The following UBE2E2 variants were observed in gnomAD, a reference collection of about 807,000 sequenced individuals.
UBE2E2 encodes the protein ubiquitin conjugating enzyme E2 E2.
A neutral mutation model predicts 24.7 loss-of-function variants in UBE2E2; 6 were observed. The observed-to-expected ratio is 0.24, with a 90% CI of 0.13 to 0.48. UBE2E2 has a LOEUF of 0.48. Ranked by LOEUF, UBE2E2 falls within the 20% of genes least tolerant of loss-of-function variation. The probability of loss-of-function intolerance (pLI) is 0.99; values close to 1 mark genes in which losing one functional copy is unlikely to be tolerated. For missense variants in UBE2E2, 169 were observed against 245.0 expected (o/e 0.69, Z 2.07); for synonymous variants, 104 against 83.6 (o/e 1.24, Z -1.33).
chr3:23,588,732 G>A (rs978851217), intron 5 of UBE2E2, among the ~76,000 whole-genome samples: 24 of 152,058 alleles, frequency 1.6e-4, no homozygotes, highest in African/African-American at 4.6e-4. Flanking sequence ...CTTTCTCCAC[G>A]TTGGGCAAGA....
chr3:23,267,636 A>G (rs1412614731), intron 3 of UBE2E2, among the ~76,000 whole-genome samples: 1 of 151,872 alleles, frequency 6.6e-6, no homozygotes, highest in East Asian at 1.9e-4. Flanking sequence ...ACAAGGAGGA[A>G]CTGGTACCAT....
intron 3 of UBE2E2, among the ~76,000 whole-genome samples, chr3:23,297,767 G>T (rs1476553675): frequency 6.6e-6 from 1 of 152,032 alleles, no homozygotes; most frequent in East Asian, 1.9e-4. Flanking sequence ...CTTGGTGATG[G>T]GGGCTCTTTT....
intron 3 of UBE2E2, among the ~76,000 whole-genome samples, chr3:23,277,472 C>CT (rs1443749057): frequency 1.3e-5 from 2 of 152,098 alleles, no homozygotes; most frequent in Non-Finnish European, 2.9e-5. Context: ...CATAGACTAT[C>CT]TAACTCTAAG....
chr3:23,283,348 A>T (rs987707853), intron 3 of UBE2E2, among the ~76,000 whole-genome samples: 3 of 152,156 alleles, frequency 2.0e-5, no homozygotes, highest in African/African-American at 7.2e-5. Context: ...CCACTTACAT[A>T]TTACTCTAAA....
At chr3:23,443,682 G>C (rs1388456491) in intron 3 of UBE2E2, among the ~76,000 whole-genome samples, 2 of 152,200 alleles carry the variant, frequency 1.3e-5, no homozygotes, top group African/African-American at 4.8e-5. Flanking sequence ...GTACCTATGT[G>C]AAATTGGTGC....
At chr3:23,460,424 A>G (rs1488588973) in intron 3 of UBE2E2, among the ~76,000 whole-genome samples, 3 of 152,148 alleles carry the variant, frequency 2.0e-5, no homozygotes, top group African/African-American at 7.2e-5. Context: ...GTTTCCTCAT[A>G]TGTAAAATGG....
intron 5 of UBE2E2, among the ~76,000 whole-genome samples, chr3:23,576,898 G>A (rs1052820185): frequency 2.6e-5 from 4 of 151,030 alleles, no homozygotes; most frequent in African/African-American, 9.8e-5. Flanking sequence ...GTGCTTTTGT[G>A]TTTCACATAT....
At chr3:23,481,162 GCATAAGCACTTGA>G (rs1699251137) in intron 3 of UBE2E2, among the ~76,000 whole-genome samples, 1 of 152,154 alleles carries the variant, frequency 6.6e-6, no homozygotes. Flanking sequence ...AGCCCAGCTG[GCATAAGCACTTGA>G]CAGATTCAAA....
intron 3 of UBE2E2, among the ~76,000 whole-genome samples, chr3:23,253,420 G>A (rs1004491852): frequency 2.0e-5 from 3 of 152,152 alleles, no homozygotes; most frequent in Non-Finnish European, 2.9e-5. Context: ...CAGGCATGTG[G>A]GATATGTGTT....
chr3:23,236,422 C>T (rs972705087), intron 3 of UBE2E2, among the ~76,000 whole-genome samples: 65 of 151,058 alleles, frequency 4.3e-4, no homozygotes, highest in African/African-American at 1.5e-3. Context: ...GAGTTCTGTT[C>T]GTCTGAATGT....
At position 23,295,065 on chromosome 3, in the gene UBE2E2, G is replaced by C. The variant is rs529150864; in HGVS notation, c.227+77753G>C. ...AAAATGATAAACCTATTTACATTTA[G>C]TGTTCATCTCTTCTTCTGTTGTTAT... On this transcript the variant is annotated intron_variant, in intron 3 of 5. Transcript: ENST00000396703. Among the ~76,000 whole-genome samples, 7 of 152,006 alleles carry C rather than the reference G, an allele frequency of 4.6e-5. No individual in the cohort carries two copies. The East Asian group carries it at 1.2e-3, about 25-fold the overall frequency.
At chr3:23,556,454 T>TTAAAAAAAAAAAAAAAAAAAA (rs1553620573) in intron 5 of UBE2E2, among the ~76,000 whole-genome samples, 3 of 94,332 alleles carry the variant, frequency 3.2e-5, no homozygotes, top group African/African-American at 9.0e-5. Flanking sequence ...AAAATTTATT[T>TTAAAAAAAAAAAAAAAAAAAA]AAAAAAAAAA....
At chr3:23,424,609 A>G (rs1302335099) in intron 3 of UBE2E2, among the ~76,000 whole-genome samples, 1 of 152,160 alleles carries the variant, frequency 6.6e-6, no homozygotes, top group Non-Finnish European at 1.5e-5. Context: ...TCCAGGCATA[A>G]GGTTTCATTT....
At chr3:23,242,017 C>T (rs1296153930) in intron 3 of UBE2E2, among the ~76,000 whole-genome samples, 2 of 152,186 alleles carry the variant, frequency 1.3e-5, no homozygotes, top group African/African-American at 4.8e-5. Context: ...TCAAGCTATC[C>T]TGCTGCCTCA....
chr3:23,208,022 C>A (rs34513914), intron 1 of UBE2E2, among the ~76,000 whole-genome samples: 11,302 of 152,030 alleles, frequency 0.074, 537 homozygotes, highest in Non-Finnish European at 0.092. Context: ...AACCACTTAC[C>A]CATTTTATTT....
chr3:23,299,868 A>G (rs1258194425), intron 3 of UBE2E2, among the ~76,000 whole-genome samples: 1 of 152,078 alleles, frequency 6.6e-6, no homozygotes, highest in Non-Finnish European at 1.5e-5. Flanking sequence ...TGATCTGTCT[A>G]ATGTTGACAG....
chr3:23,235,175 A>G (rs1697072307), intron 3 of UBE2E2, among the ~76,000 whole-genome samples: 1 of 152,178 alleles, frequency 6.6e-6, no homozygotes, highest in South Asian at 2.1e-4. Flanking sequence ...AAACAGAAAA[A>G]TTGCCTTTAT....
chr3:23,488,616 G>A lies in UBE2E2; in HGVS notation c.228-10992G>A, dbSNP rs73043642. Among the ~76,000 whole-genome samples the A allele has an allele frequency of 6.9e-3, 1,047 of 152,252 alleles. 5 individuals are homozygous for A. Among genetic ancestry groups the A allele is most frequent in the Non-Finnish European group, 0.011 (773 of 68,016 alleles). On this transcript the variant is annotated intron_variant, in intron 3 of 5. Transcript: ENST00000396703. ...ATACCGGGAAGCTTTACATTTCACC[G>A]TGTATGAGTGGTAACATTTTTGAGA...
chr3:23,278,303 C>A (rs1177765021), intron 3 of UBE2E2, among the ~76,000 whole-genome samples: 1 of 152,070 alleles, frequency 6.6e-6, no homozygotes, highest in East Asian at 1.9e-4. Context: ...TCATCTCTGA[C>A]TAGTTTACTT....
Sources: gnomAD v4.1 joint callset for allele counts (sites outside exome capture counted in the v4.1 genomes callset) on GRCh38, gnomAD v4.1.1 for gene constraint, MANE v1.5 for transcripts, NCBI Gene and HGNC (gene_info 2026-07-23, HGNC 2026-07-21) for gene names.